The following SDC4 variants were observed in gnomAD, a reference collection of about 807,000 sequenced individuals.
SDC4 encodes the protein syndecan-4.
Under a neutral mutation model 20.5 loss-of-function variants are expected in SDC4, and 17 were observed. The ratio of observed to expected loss-of-function variants is 0.83; its 90% CI spans 0.57 to 1.25. The LOEUF (loss-of-function observed/expected upper bound fraction) is 1.25, where lower values mean the gene tolerates loss of function less well. Ranked by LOEUF, SDC4 falls within the 50% of genes most tolerant of loss-of-function variation. SDC4 has a pLI of 0.00. For missense variants in SDC4, 241 were observed against 252.3 expected, an observed-to-expected ratio of 0.96 and a Z score of 0.30; for synonymous variants, 107 against 105.3, an observed-to-expected ratio of 1.02 and a Z score of -0.10.
chr20:45,344,874 C>A (rs1346281618), intron 1 of SDC4, among the ~76,000 whole-genome samples: 1 of 152,130 alleles, frequency 6.6e-6, no homozygotes, highest in Non-Finnish European at 1.5e-5. Flanking sequence ...CAAGGTCACC[C>A]AGCAACGCAG....
intron 3 of SDC4, among the ~76,000 whole-genome samples, chr20:45,330,842 G>C (rs1987766537): frequency 6.6e-6 from 1 of 152,188 alleles, no homozygotes; most frequent in Non-Finnish European, 1.5e-5. Flanking sequence ...GGTTATTCTA[G>C]AGCAACCACT....
At chr20:45,339,004 G>C (rs1422493533) in intron 1 of SDC4, among the ~76,000 whole-genome samples, 1 of 152,076 alleles carries the variant, frequency 6.6e-6, no homozygotes, top group East Asian at 1.9e-4. Context: ...ATCTCTCCTT[G>C]AGCTCTGGAA....
intron 2 of SDC4, among the ~76,000 whole-genome samples, chr20:45,335,285 G>A (rs1274957940): frequency 1.3e-5 from 2 of 151,642 alleles, no homozygotes; most frequent in East Asian, 1.9e-4. Context: ...TCAAGGGATC[G>A]TCCCACCTCA....
intron 1 of SDC4, among the ~76,000 whole-genome samples, chr20:45,338,660 A>C (rs1256361443): frequency 6.6e-6 from 1 of 152,200 alleles, no homozygotes; most frequent in Non-Finnish European, 1.5e-5. Flanking sequence ...GCTATGAGCG[A>C]AAGTGGGGCG....
intron 1 of SDC4, among the ~76,000 whole-genome samples, chr20:45,342,376 G>A (rs1185708718): frequency 6.6e-6 from 1 of 152,222 alleles, no homozygotes; most frequent in African/African-American, 2.4e-5. Context: ...GGCCAGCCAT[G>A]TGCCACATCT....
At chr20:45,339,155 C>T (rs1478306954) in intron 1 of SDC4, among the ~76,000 whole-genome samples, 1 of 152,204 alleles carries the variant, frequency 6.6e-6, no homozygotes, top group Non-Finnish European at 1.5e-5. Context: ...GGCAATCACT[C>T]TTTTTTGTGT....
chr20:45,334,925 G>A (rs186301734), intron 2 of SDC4, among the ~76,000 whole-genome samples: 4 of 152,284 alleles, frequency 2.6e-5, no homozygotes, highest in Non-Finnish European at 5.9e-5. Context: ...GAAAACTGAA[G>A]CTCAGTTCAC....
At chr20:45,334,623 G>T (rs571545575) in intron 2 of SDC4, among the ~76,000 whole-genome samples, 19 of 151,828 alleles carry the variant, frequency 1.3e-4, no homozygotes, top group African/African-American at 4.3e-4. Context: ...CAAGTAGCTG[G>T]GATTACAGGC....
At chr20:45,340,680 C>T (rs540460474) in intron 1 of SDC4, among the ~76,000 whole-genome samples, 5 of 152,376 alleles carry the variant, frequency 3.3e-5, no homozygotes, top group African/African-American at 1.2e-4. Context: ...GACCTGGCTC[C>T]TCCCCAGGGG....
In SDC4 at chr20:45,330,429, T is replaced by G; in HGVS notation, c.382A>C (p.Lys128Gln). The change falls in exon 4 of 5, where the codon AAG (lysine) becomes CAG (glutamine). Residue 128 changes from lysine to glutamine, a missense_variant. Transcript: ENST00000372733. ...PVEESEDVSN[K>Q]VSMSSTVQGS... ...TGCACAGTGCTGGACATTGACACCT[T>G]GTTGGACACATCCTCACTCTCTTCA... is the stretch of plus-strand genomic sequence containing the variant. 6.2e-7 allele frequency: 1 copy of G among 1,614,216 alleles called. No individual in the cohort carries two copies. Among genetic ancestry groups the G allele is most frequent in the Non-Finnish European group, 8.5e-7 (1 of 1,180,040 alleles).
At chr20:45,338,627 C>T (rs888355875) in intron 1 of SDC4, among the ~76,000 whole-genome samples, 1 of 152,188 alleles carries the variant, frequency 6.6e-6, no homozygotes, top group Non-Finnish European at 1.5e-5. Context: ...GAATTACCTC[C>T]GTTTTACATT....
chr20:45,340,136 T>C (rs1987933926), intron 1 of SDC4, among the ~76,000 whole-genome samples: 1 of 152,148 alleles, frequency 6.6e-6, no homozygotes, highest in Non-Finnish European at 1.5e-5. Flanking sequence ...CCCCATCTAG[T>C]CTTTTGGCTA....
chr20:45,345,200 A>G (rs2145718396), intron 1 of SDC4: 2 of 152,336 alleles, frequency 1.3e-5, no homozygotes, highest in Middle Eastern at 6.8e-3. Context: ...AAACAAATAG[A>G]GCAGAGTTCC....
At chr20:45,336,140 C>A (rs889789597) in intron 1 of SDC4, among the ~76,000 whole-genome samples, 3 of 152,334 alleles carry the variant, frequency 2.0e-5, no homozygotes, top group Non-Finnish European at 2.9e-5. Context: ...AGGCTGGGCA[C>A]AGTGGCTCAC....
intron 1 of SDC4, among the ~76,000 whole-genome samples, chr20:45,336,880 C>T (rs1291882747): frequency 6.6e-6 from 1 of 151,934 alleles, no homozygotes; most frequent in Non-Finnish European, 1.5e-5. Flanking sequence ...TCAGTCTTGC[C>T]TTCCAAACAT....
chr20:45,327,174 G>A lies in SDC4; in HGVS notation c.*90C>T, dbSNP rs946518324. On this transcript the variant is annotated 3_prime_UTR_variant, in exon 5 of 5. Transcript: ENST00000372733. ...TGGAGATACTGACAAGTCAGTATTAGGTTGACCTCACCCTACCCTAATGTC... is the reference window on the plus strand; with the variant it reads ...TGGAGATACTGACAAGTCAGTATTAAGTTGACCTCACCCTACCCTAATGTC... 2 of 1,407,464 alleles carry A rather than the reference G, an allele frequency of 1.4e-6. No homozygotes were observed. The highest frequency in any genetic ancestry group is 1.2e-5 in the South Asian group (1 of 81,462). 87.2% of individuals were successfully genotyped at this position (1,407,464 alleles called of 1,614,324 possible).
intron 1 of SDC4, among the ~76,000 whole-genome samples, chr20:45,346,661 CAG>C (rs1169784025): frequency 6.6e-6 from 1 of 152,228 alleles, no homozygotes; most frequent in Non-Finnish European, 1.5e-5. Flanking sequence ...ACACATCCTT[CAG>C]GGCCTAGTTT....
At chr20:45,336,993 C>T (rs990625240) in intron 1 of SDC4, among the ~76,000 whole-genome samples, 2 of 151,980 alleles carry the variant, frequency 1.3e-5, no homozygotes, top group Non-Finnish European at 2.9e-5. Flanking sequence ...ATCACTCAGC[C>T]ACTACCCTGT....
chr20:45,341,603 T>C (rs1407400400), intron 1 of SDC4, among the ~76,000 whole-genome samples: 3 of 151,990 alleles, frequency 2.0e-5, no homozygotes, highest in Non-Finnish European at 2.9e-5. Flanking sequence ...CACCAATCCA[T>C]GGTCTGGTGC....
Sources: gnomAD v4.1 joint callset for allele counts (sites outside exome capture counted in the v4.1 genomes callset) on GRCh38, gnomAD v4.1.1 for gene constraint, MANE v1.5 for transcripts, NCBI Gene and HGNC (gene_info 2026-07-23, HGNC 2026-07-21) for gene names.